SYN3: variants seen among roughly 807,000 people sequenced by gnomAD.
SYN3 encodes the protein synapsin-3.
Under a neutral mutation model 65.8 loss-of-function variants are expected in SYN3, and 35 were observed. That is an observed-to-expected ratio of 0.53 (90% CI 0.41 to 0.70). The LOEUF (loss-of-function observed/expected upper bound fraction) is 0.70. Among genes scored for constraint, SYN3 ranks in the 30% least tolerant of loss-of-function variants. The probability of loss-of-function intolerance (pLI) is 0.00; values close to 1 mark genes in which losing one functional copy is unlikely to be tolerated. For synonymous variants in SYN3, 270 were observed against 292.9 expected (o/e 0.92, Z 0.80); for missense variants, 680 against 749.0 (o/e 0.91, Z 1.08).
At chr22:33,022,470 C>T (rs1043628300) in intron 1 of SYN3, among the ~76,000 whole-genome samples, 1 of 152,214 alleles carries the variant, frequency 6.6e-6, no homozygotes, top group African/African-American at 2.4e-5. Context: ...GCCCTTTTGA[C>T]CCCAAAGCTC....
chr22:32,815,578 A>G (rs1446713166), intron 6 of SYN3, among the ~76,000 whole-genome samples: 1 of 152,242 alleles, frequency 6.6e-6, no homozygotes, highest in African/African-American at 2.4e-5. Context: ...GGAATTAAAT[A>G]TGAAAGCAGC....
At chr22:32,738,008 G>A (rs1174497525) in intron 6 of SYN3, among the ~76,000 whole-genome samples, 1 of 152,178 alleles carries the variant, frequency 6.6e-6, no homozygotes, top group Non-Finnish European at 1.5e-5. Flanking sequence ...AAGCCACTGA[G>A]ATTCCCAGGG....
chr22:32,644,101 A>AAAAAAAAAAAAAAAAAAAGAG (rs368236821), intron 6 of SYN3, among the ~76,000 whole-genome samples: 1 of 71,214 alleles, frequency 1.4e-5, no homozygotes, highest in Non-Finnish European at 2.7e-5. Context: ...AAAAAAAAAA[A>AAAAAAAAAAAAAAAAAAAGAG]AGCGACAAGA....
chr22:32,513,167 G>A lies in SYN3; in HGVS notation c.*525C>T, dbSNP rs1358396139. 1 of 152,742 alleles carries A rather than the reference G, an allele frequency of 6.5e-6. No homozygotes were observed. Among genetic ancestry groups the A allele is most frequent in the Non-Finnish European group, 1.5e-5 (1 of 68,176 alleles). 9.5% of individuals were successfully genotyped at this position (152,742 alleles called of 1,614,324 possible). On this transcript the variant is annotated 3_prime_UTR_variant, in exon 14 of 14. Transcript: ENST00000358763. ...CTAAGGGCGGGTCTTGAGCGTGGATGGAACTAGCGTGGGCAGGTGGCGAGT... is the reference window on the plus strand; with the variant it reads ...CTAAGGGCGGGTCTTGAGCGTGGATAGAACTAGCGTGGGCAGGTGGCGAGT...
intron 6 of SYN3, among the ~76,000 whole-genome samples, chr22:32,663,370 C>T (rs2060244419): frequency 6.7e-6 from 1 of 149,746 alleles, no homozygotes; most frequent in African/African-American, 2.5e-5. Context: ...GCCATCTTGG[C>T]TCACTGCAAG....
chr22:33,028,342 C>G (rs1227965742), intron 1 of SYN3, among the ~76,000 whole-genome samples: 1 of 152,212 alleles, frequency 6.6e-6, no homozygotes, highest in Admixed American at 6.5e-5. Flanking sequence ...GCGCCTAGCC[C>G]CGAAGCCATC....
In SYN3 at chr22:32,513,700, A is replaced by C. The variant is rs1159892721; in HGVS notation, c.1735T>G (p.Ser579Ala). 13 of 1,614,098 alleles carry C rather than the reference A, an allele frequency of 8.1e-6. No homozygotes were observed. The highest frequency in any genetic ancestry group is 1.0e-5 in the Non-Finnish European group (12 of 1,180,042). The change falls in exon 14 of 14, where the codon TCT becomes GCT. Residue 579 changes from serine (S) to alanine (A), a missense_variant. Transcript: ENST00000358763. ...NLRKSFASLF[S>A]D Reference sequence around the variant, plus strand: ...TCCCAGCCTGGATGGCGTTAGTCAGAGAACAGGCTGGCAAAAGACTTCCTC... The same window carrying C: ...TCCCAGCCTGGATGGCGTTAGTCAGCGAACAGGCTGGCAAAAGACTTCCTC...
At chr22:32,709,134 G>C (rs187749349) in intron 6 of SYN3, among the ~76,000 whole-genome samples, 1 of 152,338 alleles carries the variant, frequency 6.6e-6, no homozygotes, top group Non-Finnish European at 1.5e-5. Flanking sequence ...TCCCAGCTGT[G>C]GCTTTGTTCT....
intron 6 of SYN3, among the ~76,000 whole-genome samples, chr22:32,606,788 C>G (rs902659770): frequency 2.7e-5 from 4 of 149,700 alleles, no homozygotes; most frequent in Non-Finnish European, 3.0e-5. Context: ...CTTCATTCAG[C>G]CAACTCTTTA....
At chr22:33,031,468 A>G (rs545432300) in intron 1 of SYN3, among the ~76,000 whole-genome samples, 1 of 150,916 alleles carries the variant, frequency 6.6e-6, no homozygotes, top group Non-Finnish European at 1.5e-5. Flanking sequence ...CTGGGAGCCA[A>G]GCCACCGACA....
At chr22:32,990,511 CAT>C (rs2052683256) in intron 2 of SYN3, among the ~76,000 whole-genome samples, 1 of 152,098 alleles carries the variant, frequency 6.6e-6, no homozygotes, top group African/African-American at 2.4e-5. Flanking sequence ...CATCCATCCA[CAT>C]ATCCATCCAT....
chr22:32,640,407 C>G (rs1177788223), intron 6 of SYN3, among the ~76,000 whole-genome samples: 1 of 152,176 alleles, frequency 6.6e-6, no homozygotes, highest in Non-Finnish European at 1.5e-5. Flanking sequence ...TCATTTAGAT[C>G]AAATTCTCCT....
chr22:32,737,519 T>C (rs1484252295), intron 6 of SYN3, among the ~76,000 whole-genome samples: 1 of 151,454 alleles, frequency 6.6e-6, no homozygotes, highest in Non-Finnish European at 1.5e-5. Context: ...CCTGTGTCCA[T>C]GTGTTCTCAC....
intron 7 of SYN3, among the ~76,000 whole-genome samples, chr22:32,564,889 C>CTCCCGGATTGT (rs2058643643): frequency 6.7e-6 from 1 of 150,180 alleles, no homozygotes; most frequent in Non-Finnish European, 1.5e-5. Flanking sequence ...TCCCGGACTG[C>CTCCCGGATTGT]ACCCTAACAG....
At chr22:32,616,391 G>A (rs1385289322) in intron 6 of SYN3, among the ~76,000 whole-genome samples, 3 of 152,182 alleles carry the variant, frequency 2.0e-5, no homozygotes, top group Non-Finnish European at 4.4e-5. Flanking sequence ...TGGCTGAGGG[G>A]CCCCTTTGAG....
intron 2 of SYN3, among the ~76,000 whole-genome samples, chr22:32,984,452 T>C (rs1403232892): frequency 1.3e-5 from 2 of 152,170 alleles, no homozygotes; most frequent in Non-Finnish European, 2.9e-5. Flanking sequence ...GTGGCCAAGC[T>C]TCATCTACTC....
At chr22:33,004,495 A>G (rs2053148919) in intron 2 of SYN3, among the ~76,000 whole-genome samples, 1 of 152,210 alleles carries the variant, frequency 6.6e-6, no homozygotes, top group Middle Eastern at 3.2e-3. Flanking sequence ...ATTGGATCAG[A>G]GTTACCTGGA....
intron 1 of SYN3, among the ~76,000 whole-genome samples, chr22:33,051,706 G>T (rs1337231186): frequency 2.6e-5 from 4 of 152,042 alleles, no homozygotes; most frequent in African/African-American, 7.2e-5. Context: ...GGACCCAAAG[G>T]TCCCCCCAAA....
chr22:32,764,430 A>G (rs2045570753), intron 6 of SYN3, among the ~76,000 whole-genome samples: 1 of 152,160 alleles, frequency 6.6e-6, no homozygotes, highest in Non-Finnish European at 1.5e-5. Flanking sequence ...CTGCGTTGAG[A>G]AAGCAAGTTT....
Sources: allele counts gnomAD v4.1 joint callset (sites outside exome capture counted in the v4.1 genomes callset), GRCh38; gene constraint gnomAD v4.1.1; transcripts MANE v1.5; gene names NCBI Gene and HGNC (gene_info 2026-07-23, HGNC 2026-07-21).